Variants in MICAL2 observed in about 807,000 individuals in gnomAD.
MICAL2 encodes microtubule associated monooxygenase, calponin and LIM domain containing 2, also known as [F-actin]-monooxygenase MICAL2.
Under a neutral mutation model 127.3 loss-of-function variants are expected in MICAL2, and 77 were observed. The observed-to-expected ratio is 0.60, with a 90% CI of 0.50 to 0.73. The LOEUF (loss-of-function observed/expected upper bound fraction) is 0.73. Ranked by LOEUF, MICAL2 falls within the 30% of genes least tolerant of loss-of-function variation. The pLI is 0.00. For missense variants in MICAL2, 1,351 were observed against 1,434.4 expected (o/e 0.94, Z 0.94); for synonymous variants, 570 against 551.1 (o/e 1.03, Z -0.48).
intron 22 of MICAL2, chr11:12,252,664 G>A (rs868628291): frequency 1.3e-5 from 2 of 152,232 alleles, no homozygotes; most frequent in Admixed American, 1.3e-4. Flanking sequence ...TTAGCCTTAG[G>A]CCCTGAGGAT....
At chr11:12,285,988 G>A (rs1290293523) in intron 2 of MICAL2, among the ~76,000 whole-genome samples, 1 of 152,200 alleles carries the variant, frequency 6.6e-6, no homozygotes, top group Non-Finnish European at 1.5e-5. Context: ...GGAGGCGCAG[G>A]GGCCTGAAGC....
chr11:12,123,008 C>T (rs942949146), intron 1 of MICAL2, among the ~76,000 whole-genome samples: 1 of 152,056 alleles, frequency 6.6e-6, no homozygotes, highest in Non-Finnish European at 1.5e-5. Context: ...GAGAGTAGGT[C>T]TAATCTGTCT....
intron 6 of MICAL2, among the ~76,000 whole-genome samples, chr11:12,210,892 T>C (rs747237405): frequency 1.3e-5 from 2 of 152,226 alleles, no homozygotes; most frequent in Non-Finnish European, 2.9e-5. Flanking sequence ...GCAGCATCCC[T>C]GGCCTCTGGC....
At chr11:12,181,738 T>A (rs934848755) in intron 3 of MICAL2, among the ~76,000 whole-genome samples, 1 of 152,232 alleles carries the variant, frequency 6.6e-6, no homozygotes, top group African/African-American at 2.4e-5. Flanking sequence ...ATTAAAACAT[T>A]CAATAAATCG....
chr11:12,253,279 C>G (rs1861815417), intron 22 of MICAL2: 1 of 152,312 alleles, frequency 6.6e-6, no homozygotes, highest in African/African-American at 2.4e-5. Context: ...CCATGCACCC[C>G]AGGGCCCAGG....
downstream of MICAL2, chr11:12,293,624 T>C (rs758975686): frequency 3.7e-5 from 60 of 1,613,736 alleles, no homozygotes; most frequent in Non-Finnish European, 4.5e-5. Flanking sequence ...CACCCCAAAC[T>C]TTCGGAGGCG....
downstream of MICAL2, among the ~76,000 whole-genome samples, chr11:12,296,462 C>A (rs1029142607): frequency 6.7e-6 from 1 of 150,142 alleles, no homozygotes; most frequent in African/African-American, 2.4e-5. Context: ...AACTATTAAA[C>A]TTTAGTTTAA....
chr11:12,349,291 A>C (rs865844522), intron 32 of MICAL2, among the ~76,000 whole-genome samples: 14 of 152,348 alleles, frequency 9.2e-5, no homozygotes, highest in African/African-American at 2.9e-4. Context: ...ACACAAAGCT[A>C]ATAACTTTTG....
chr11:12,121,223 C>G (rs764527612), intron 1 of MICAL2, among the ~76,000 whole-genome samples: 41 of 152,208 alleles, frequency 2.7e-4, no homozygotes, highest in Non-Finnish European at 5.9e-4. Context: ...TCGCTGCGGG[C>G]TAAGCTCTTC....
At chr11:12,247,485 G>A (rs1860914414) in intron 21 of MICAL2, among the ~76,000 whole-genome samples, 2 of 152,172 alleles carry the variant, frequency 1.3e-5, no homozygotes, top group African/African-American at 4.8e-5. Flanking sequence ...TGGACTCTTG[G>A]GCAAGTCACT....
At chr11:12,272,864 C>G (rs1426653742), upstream of MICAL2, among the ~76,000 whole-genome samples, 1 of 152,148 alleles carries the variant, frequency 6.6e-6, no homozygotes, top group Non-Finnish European at 1.5e-5. Context: ...GAGTGACAGC[C>G]AACTGGCAGG....
chr11:12,288,019 C>T (rs1307485538), downstream of MICAL2, among the ~76,000 whole-genome samples: 3 of 152,214 alleles, frequency 2.0e-5, no homozygotes, highest in African/African-American at 7.2e-5. Context: ...CCCTGGTCTT[C>T]CTTCCTTCTG....
chr11:12,293,621 A>C (rs1038160451), downstream of MICAL2: 15 of 1,613,828 alleles, frequency 9.3e-6, no homozygotes, highest in Non-Finnish European at 1.3e-5. Flanking sequence ...TCCCACCCCA[A>C]ACTTTCGGAG....
In MICAL2 at chr11:12,279,304, C is replaced by T. The variant is rs112176335; in HGVS notation, c.88-1629C>T. On this transcript the variant is annotated intron_variant, in intron 1 of 2. Transcript: ENST00000529028. Reference sequence around the variant, plus strand: ...ATTGTTAACTTGGACAAAGTGGCCTCGGTGGAGTGAACGAGTAGATGTGGG... The same window carrying T: ...ATTGTTAACTTGGACAAAGTGGCCTTGGTGGAGTGAACGAGTAGATGTGGG... Among the ~76,000 whole-genome samples the T allele has an allele frequency of 5.2e-3, 786 of 152,200 alleles. 16 individuals are homozygous for T. The highest frequency in any genetic ancestry group is 0.042 in the South Asian group (202 of 4,808).
chr11:12,111,173 T>G (rs781294668), intron 1 of MICAL2, among the ~76,000 whole-genome samples: 1 of 152,094 alleles, frequency 6.6e-6, no homozygotes, highest in African/African-American at 2.4e-5. Context: ...GGCGCCCTTT[T>G]CCCCCTCCCC....
At chr11:12,224,206 C>T (rs890165971) in intron 12 of MICAL2, among the ~76,000 whole-genome samples, 5 of 152,170 alleles carry the variant, frequency 3.3e-5, no homozygotes, top group Non-Finnish European at 7.4e-5. Context: ...TGACTTCTTC[C>T]GTCTGATAAG....
intron 31 of MICAL2, among the ~76,000 whole-genome samples, chr11:12,325,117 T>G (rs1864340567): frequency 6.6e-6 from 1 of 152,124 alleles, no homozygotes; most frequent in Admixed American, 6.5e-5. Context: ...GTTTTTTGGT[T>G]TTTTATTTTT....
chr11:12,319,702 A>G (rs1346027205), exon 30 of MICAL2: 41 of 1,612,808 alleles, frequency 2.5e-5, no homozygotes, highest in Non-Finnish European at 3.2e-5. Flanking sequence ...TCAGACTCCA[A>G]GAACTTTCCC....
At chr11:12,137,455 A>T (rs1260911909) in intron 1 of MICAL2, among the ~76,000 whole-genome samples, 2 of 152,298 alleles carry the variant, frequency 1.3e-5, no homozygotes, top group East Asian at 3.9e-4. Context: ...AGCCACTGAG[A>T]TCAAGCAGGT....
Sources: allele counts gnomAD v4.1 joint callset (sites outside exome capture counted in the v4.1 genomes callset), GRCh38; gene constraint gnomAD v4.1.1; transcripts MANE v1.5; gene names NCBI Gene and HGNC (gene_info 2026-07-23, HGNC 2026-07-21).